STC1: variants seen among roughly 807,000 people sequenced by gnomAD.
The protein encoded by STC1 is stanniocalcin 1, also known as stanniocalcin-1.
Under a neutral mutation model 22.6 loss-of-function variants are expected in STC1, and 7 were observed. That is an observed-to-expected ratio of 0.31 (90% CI 0.18 to 0.58). The LOEUF is 0.58. STC1 is among the 20% of genes least tolerant of loss of function. STC1 has a pLI of 0.89. For synonymous variants in STC1, 113 were observed against 120.7 expected, an observed-to-expected ratio of 0.94 and a Z score of 0.42; for missense variants, 224 against 311.0, an observed-to-expected ratio of 0.72 and a Z score of 2.10.
Position 23,844,520 on chromosome 8 carries a change from G to C in STC1, c.*250C>G. ...GGGGAAAAACATGGCAGAGGAAGTT[G>C]GTAAAAGAGGGTACTTTCTCCTGAG... On this transcript the variant is annotated 3_prime_UTR_variant, in exon 4 of 4. Transcript: ENST00000290271. 3.9e-6 allele frequency: 2 copies of C among 517,628 alleles called. No individual in the cohort carries two copies. Among genetic ancestry groups the C allele is most frequent in the South Asian group, 4.9e-5 (2 of 40,980 alleles). 32.1% of individuals were successfully genotyped at this position (517,628 alleles called of 1,614,324 possible).
intron 3 of STC1, among the ~76,000 whole-genome samples, chr8:23,848,370 A>G (rs1219834732): frequency 6.6e-6 from 1 of 151,812 alleles, no homozygotes; most frequent in Non-Finnish European, 1.5e-5. Flanking sequence ...TGTCTCTACT[A>G]AAAATACAAA....
chr8:23,854,316 A>C (rs1802672728), intron 1 of STC1, 90 bp downstream of exon 1: 1 of 1,210,558 alleles, frequency 8.3e-7, no homozygotes, highest in Non-Finnish European at 1.2e-6. Flanking sequence ...TTTATTATCA[A>C]GATCAGCCGT....
At chr8:23,850,635 G>A (rs989588538) in intron 3 of STC1, among the ~76,000 whole-genome samples, 1 of 152,152 alleles carries the variant, frequency 6.6e-6, no homozygotes, top group African/African-American at 2.4e-5. Context: ...GTGGCCTTGG[G>A]TGGTGTTTGA....
intron 3 of STC1, among the ~76,000 whole-genome samples, chr8:23,848,808 G>C (rs1802603847): frequency 6.6e-6 from 1 of 152,010 alleles, no homozygotes; most frequent in South Asian, 2.1e-4. Flanking sequence ...TTCTGTGTGA[G>C]GGTTTATAAA....
In STC1 at chr8:23,844,612, G is replaced by T; in HGVS notation, c.*158C>A. 1 of 798,780 alleles carries T rather than the reference G, an allele frequency of 1.3e-6. No individual in the cohort carries two copies. Among genetic ancestry groups the T allele is most frequent in the Non-Finnish European group, 1.9e-6 (1 of 519,136 alleles). 49.5% of individuals were successfully genotyped at this position (798,780 alleles called of 1,614,324 possible). ...TGCCATTGCAGAATGTTGGGATATT[G>T]ATTACAGAAGCCTAGTTTCATGCAA... On this transcript the variant is annotated 3_prime_UTR_variant, in exon 4 of 4. Transcript: ENST00000290271.
At chr8:23,852,165 CTGG>C in intron 2 of STC1, 74 bp downstream of exon 2, 1 of 1,576,730 alleles carries the variant, frequency 6.3e-7, no homozygotes, top group African/African-American at 1.3e-5. Flanking sequence ...CCCTACAAGA[CTGG>C]TTCCTAAGAA....
At chr8:23,847,009 G>A (rs954895883) in intron 3 of STC1, among the ~76,000 whole-genome samples, 1 of 152,164 alleles carries the variant, frequency 6.6e-6, no homozygotes, top group Non-Finnish European at 1.5e-5. Flanking sequence ...ATTAGATCCT[G>A]GTGGGTGGTT....
intron 2 of STC1, among the ~76,000 whole-genome samples, chr8:23,851,998 A>G (rs563078877): frequency 5.3e-5 from 8 of 152,116 alleles, no homozygotes; most frequent in African/African-American, 1.7e-4. Context: ...AGAATCATGC[A>G]TTAGAGTGAG....
rs1217472986 is a variant in STC1 at position 23,842,691 on chromosome 8, G to A, written c.*2079C>T. 1.3e-5 allele frequency: 2 copies of A among 152,082 alleles called. No individual in the cohort carries two copies. The highest frequency in any genetic ancestry group is 2.9e-5 in the Non-Finnish European group (2 of 67,956). The allele number at this position is 152,082 out of a possible 1,614,324, so 9.4% of individuals were successfully genotyped here. A position where few individuals can be genotyped will look rare whatever the true frequency, so the allele number is the denominator to read the frequency against. ...GCCTGGGGGTGGGAAGTGTGGGAGG[G>A]AGGGGAAGAGTCTAACTTAGAATAT... On this transcript the variant is annotated 3_prime_UTR_variant, in exon 4 of 4. Coordinates refer to ENST00000290271, the MANE Select transcript of STC1 (RefSeq NM_003155.3).
intron 1 of STC1, among the ~76,000 whole-genome samples, chr8:23,853,794 A>G (rs1338829283): frequency 6.6e-6 from 1 of 152,032 alleles, no homozygotes; most frequent in Non-Finnish European, 1.5e-5. Flanking sequence ...CTCTCTGGCT[A>G]CGGGCTGCAG....
intron 3 of STC1, among the ~76,000 whole-genome samples, chr8:23,848,329 C>T (rs188307260): frequency 6.6e-6 from 1 of 151,944 alleles, no homozygotes; most frequent in East Asian, 1.9e-4. Context: ...GTCAGGAGTT[C>T]AAGACCAGCC....
Position 23,843,592 on chromosome 8 carries a change from T to A in STC1, c.*1178A>T, listed in dbSNP as rs1802539740. ...CGAGTAAAGAACTGCCACTTCCTAA[T>A]GTATAGTAGGCCTTATCACACTGTA... On this transcript the variant is annotated 3_prime_UTR_variant, in exon 4 of 4. Coordinates refer to ENST00000290271, the MANE Select transcript of STC1 (RefSeq NM_003155.3). 1 of 152,606 alleles carries A rather than the reference T, an allele frequency of 6.6e-6. No individual in the cohort carries two copies. The highest frequency in any genetic ancestry group is 2.1e-4 in the South Asian group (1 of 4,822). The allele number at this position is 152,606 out of a possible 1,614,324, so 9.5% of individuals were successfully genotyped here. A position where few individuals can be genotyped will look rare whatever the true frequency, so the allele number is the denominator to read the frequency against.
rs1802540399 is a variant in STC1, at chr8:23,843,671, A to T, written c.*1099T>A. 6.6e-6 allele frequency: 1 copy of T among 152,640 alleles called. No individual in the cohort carries two copies. Among genetic ancestry groups the T allele is most frequent in the South Asian group, 2.1e-4 (1 of 4,828 alleles). 9.5% of individuals were successfully genotyped at this position (152,640 alleles called of 1,614,324 possible). The stretch of plus-strand genomic sequence containing the variant: ...TTTGGTTCCTGGAATTTCCAGTTGG[A>T]TGTGACAGAGATCTTTCAGTATAGG... On this transcript the variant is annotated 3_prime_UTR_variant, in exon 4 of 4. Coordinates refer to ENST00000290271, the MANE Select transcript of STC1 (RefSeq NM_003155.3).
At chr8:23,848,529 CAAAAAAA>C (rs796433655) in intron 3 of STC1, among the ~76,000 whole-genome samples, 5 of 63,616 alleles carry the variant, frequency 7.9e-5, no homozygotes, top group African/African-American at 1.1e-4. Context: ...GATACTCTGT[CAAAAAAA>C]AAAAAAAAAA....
intron 3 of STC1, 118 bp from the exon 4 acceptor site, chr8:23,845,158 A>G: frequency 1.9e-6 from 2 of 1,075,068 alleles, no homozygotes; most frequent in South Asian, 1.5e-5. Flanking sequence ...GCAAACATCA[A>G]TAGTTCATCA....
intron 3 of STC1, among the ~76,000 whole-genome samples, chr8:23,846,557 T>C (rs141910313): frequency 2.6e-5 from 4 of 152,338 alleles, no homozygotes; most frequent in South Asian, 2.1e-4. Context: ...CTAGAATAAC[T>C]TAATCCCCCA....
At chr8:23,847,769 G>A (rs1183596939) in intron 3 of STC1, among the ~76,000 whole-genome samples, 5 of 152,212 alleles carry the variant, frequency 3.3e-5, no homozygotes, top group Admixed American at 2.0e-4. Flanking sequence ...CCTATTTAGT[G>A]AGCACCTTCT....
At chr8:23,853,920 G>C in intron 1 of STC1, 1 of 681,250 alleles carries the variant, frequency 1.5e-6, no homozygotes, top group Non-Finnish European at 1.8e-6. Context: ...GAGGGCTATG[G>C]TTCTGAAAAT....
chr8:23,842,703 C>G lies in STC1; in HGVS notation c.*2067G>C, dbSNP rs1802528370. Reference sequence around the variant, plus strand: ...GAAGTGTGGGAGGGAGGGGAAGAGTCTAACTTAGAATATGGTCTACCTGAT... The same window carrying G: ...GAAGTGTGGGAGGGAGGGGAAGAGTGTAACTTAGAATATGGTCTACCTGAT... On this transcript the variant is annotated 3_prime_UTR_variant, in exon 4 of 4. Transcript: ENST00000290271. 6.6e-6 allele frequency: 1 copy of G among 152,408 alleles called. No individual in the cohort carries two copies. The highest frequency in any genetic ancestry group is 1.5e-5 in the Non-Finnish European group (1 of 68,038). 9.4% of individuals were successfully genotyped at this position (152,408 alleles called of 1,614,324 possible). A position where few individuals can be genotyped will look rare whatever the true frequency, so the allele number is the denominator to read the frequency against.
Sources: allele counts gnomAD v4.1 joint callset (sites outside exome capture counted in the v4.1 genomes callset), GRCh38; gene constraint gnomAD v4.1.1; transcripts MANE v1.5; gene names NCBI Gene and HGNC (gene_info 2026-07-23, HGNC 2026-07-21).